Variants in ZCCHC2 observed in about 807,000 individuals in gnomAD.
ZCCHC2 encodes the protein zinc finger CCHC-type containing 2, also known as zinc finger CCHC domain-containing protein 2.
In ZCCHC2, 39 loss-of-function variants were observed where a neutral mutation model predicts 103.6. The ratio of observed to expected loss-of-function variants is 0.38; its 90% CI spans 0.29 to 0.49. ZCCHC2 has a LOEUF of 0.49. ZCCHC2 is among the 20% of genes least tolerant of loss of function. The probability of loss-of-function intolerance (pLI) is 0.96; values close to 1 mark genes in which losing one functional copy is unlikely to be tolerated. For synonymous variants in ZCCHC2, 687 were observed against 608.9 expected (o/e 1.13, Z -1.89); for missense variants, 1,483 against 1,491.0 (o/e 0.99, Z 0.09).
In ZCCHC2 at chr18:62,574,365, A is replaced by G. The variant is rs1191367821; in HGVS notation, c.2284A>G (p.Arg762Gly). 1 of 1,614,022 alleles carries G rather than the reference A, an allele frequency of 6.2e-7. No homozygotes were observed. Among genetic ancestry groups the G allele is most frequent in the Admixed American group, 1.7e-5 (1 of 60,010 alleles). Residue 762 changes from arginine to glycine, a missense_variant, in exon 13 of 14, where the codon AGG becomes GGG. This residue lies in a region of ZCCHC2 where 884 missense variants were observed against 907.5 expected (regional missense o/e 0.97). Transcript: ENST00000269499. ...VPSPVAISAI[R>G]ESANSTPVGI... ...TAGTCCTGTTGCTATTTCTGCAATAAGGGAGTCTGCAAATTCAACCCCTGT... is the reference window on the plus strand; with the variant it reads ...TAGTCCTGTTGCTATTTCTGCAATAGGGGAGTCTGCAAATTCAACCCCTGT...
At chr18:62,539,510 T>A in intron 1 of ZCCHC2, 171 bp from the exon 2 acceptor site, 1 of 519,268 alleles carries the variant, frequency 1.9e-6, no homozygotes, top group Non-Finnish European at 3.5e-6. Context: ...AGTGCTCATC[T>A]TCTGCTTGCG....
rs956247134 is a variant in ZCCHC2 at position 62,549,352 on chromosome 18, T to C, written c.1201-996T>C. Among the ~76,000 whole-genome samples, 7 of 152,384 alleles carry C rather than the reference T, an allele frequency of 4.6e-5. No individual in the cohort carries two copies. The East Asian group carries it at 1.3e-3, about 29-fold the overall frequency. ...TCATTCTGACAGAGCATCTTGATCT[T>C]GCAATCTACTGTACCCACAATGAGG... On this transcript the variant is annotated intron_variant, in intron 4 of 13. Coordinates refer to ENST00000269499, the MANE Select transcript of ZCCHC2 (RefSeq NM_017742.6).
intron 11 of ZCCHC2, among the ~76,000 whole-genome samples, chr18:62,566,806 G>A (rs140132799): frequency 2.0e-5 from 3 of 152,324 alleles, no homozygotes; most frequent in African/African-American, 7.2e-5. Context: ...GCCTGCTTCA[G>A]CAGATTGTAA....
intron 5 of ZCCHC2, among the ~76,000 whole-genome samples, chr18:62,550,879 C>T (rs1055554154): frequency 6.6e-6 from 1 of 152,220 alleles, no homozygotes; most frequent in African/African-American, 2.4e-5. Context: ...CTGTTACTCT[C>T]TTGGAGCCAT....
In ZCCHC2 at chr18:62,578,348, A is replaced by G. The variant is rs755217079; in HGVS notation, c.*1769A>G. ...AAGTGAGAGTTTTGATAAGCCACTT[A>G]TGGGCCGCGTTGTGAATCACTTGCC... On this transcript the variant is annotated 3_prime_UTR_variant, in exon 14 of 14. Transcript: ENST00000269499. The G allele has an allele frequency of 1.3e-5, 2 of 152,624 alleles. No homozygotes were observed. Among genetic ancestry groups the G allele is most frequent in the East Asian group, 1.9e-4 (1 of 5,202 alleles). The allele number at this position is 152,624 out of a possible 1,614,324, so 9.5% of individuals were successfully genotyped here.
intron 1 of ZCCHC2, among the ~76,000 whole-genome samples, chr18:62,534,336 A>G (rs978026832): frequency 4.0e-5 from 6 of 151,286 alleles, no homozygotes; most frequent in African/African-American, 1.5e-4. Flanking sequence ...AAATCTGATT[A>G]TTTGTACTCC....
Position 62,574,535 on chromosome 18 carries a change from A to G in ZCCHC2, c.2454A>G (p.Pro818=), listed in dbSNP as rs755413332. Residue 818 remains proline (P), a synonymous_variant, in exon 13 of 14, where the codon CCA becomes CCG. Transcript: ENST00000269499. Reference sequence around the variant, plus strand: ...TTACAGTTCAGAGGCTAAAGTTGCCACCACCACAGGGATCTTCTGAGAGCT... The same window carrying G: ...TTACAGTTCAGAGGCTAAAGTTGCCGCCACCACAGGGATCTTCTGAGAGCT... ...LHLTVQRLKL[P]PPQGSSESCT... is the part of the protein sequence containing the mutation. The G allele has an allele frequency of 5.0e-6, 8 of 1,613,806 alleles. No homozygotes were observed. Among genetic ancestry groups the G allele is most frequent in the Non-Finnish European group, 6.8e-6 (8 of 1,179,862 alleles).
chr18:62,529,875 G>A (rs1400803239), intron 1 of ZCCHC2, among the ~76,000 whole-genome samples: 1 of 152,038 alleles, frequency 6.6e-6, no homozygotes, highest in Non-Finnish European at 1.5e-5. Flanking sequence ...AAAATATTAG[G>A]GAAAAATATT....
chr18:62,580,549 AC>A (rs1917016826), downstream of ZCCHC2, among the ~76,000 whole-genome samples: 1 of 137,232 alleles, frequency 7.3e-6, no homozygotes, highest in African/African-American at 2.8e-5. Context: ...CCCTCCCGAG[AC>A]GGTGTCACAG....
downstream of ZCCHC2, among the ~76,000 whole-genome samples, chr18:62,579,291 C>T (rs1916978480): frequency 6.6e-6 from 1 of 152,194 alleles, no homozygotes; most frequent in South Asian, 2.1e-4. Context: ...ATTAGCCAGG[C>T]CCCTCTCTCA....
rs1043302400 is a variant in ZCCHC2, at chr18:62,523,387, C to T, written c.-38C>T. On this transcript the variant is annotated 5_prime_UTR_variant, in exon 1 of 14. Coordinates refer to ENST00000269499, the MANE Select transcript of ZCCHC2 (RefSeq NM_017742.6). The stretch of plus-strand genomic sequence containing the variant: ...TGCTCCACCTCGCGGCCCCTCCCGC[C>T]CGCCCCCGCTCGCATGTCTGCGCCG... 4 of 1,014,104 alleles carry T rather than the reference C, an allele frequency of 3.9e-6. No homozygotes were observed. The African/African-American group carries it at 7.0e-5, about 18-fold the overall frequency. The allele number at this position is 1,014,104 out of a possible 1,614,324, so 62.8% of individuals were successfully genotyped here. A position where few individuals can be genotyped will look rare whatever the true frequency, so the allele number is the denominator to read the frequency against.
chr18:62,551,705 A>C (rs955692450), intron 5 of ZCCHC2: 1 of 153,062 alleles, frequency 6.5e-6, no homozygotes, highest in Non-Finnish European at 1.5e-5. Flanking sequence ...CAGTCGTGGC[A>C]CTCACCTCTC....
chr18:62,557,794 A>G (rs1915958750), intron 6 of ZCCHC2, among the ~76,000 whole-genome samples: 1 of 152,254 alleles, frequency 6.6e-6, no homozygotes, highest in Non-Finnish European at 1.5e-5. Context: ...TGAGGAGTTC[A>G]TATATAAGTA....
At chr18:62,542,018 G>C (rs936453115) in intron 2 of ZCCHC2, among the ~76,000 whole-genome samples, 1 of 151,834 alleles carries the variant, frequency 6.6e-6, no homozygotes, top group African/African-American at 2.4e-5. Context: ...CCTCAGCTTG[G>C]TATATTACTT....
At chr18:62,533,210 G>A (rs1314801389) in intron 1 of ZCCHC2, among the ~76,000 whole-genome samples, 1 of 152,054 alleles carries the variant, frequency 6.6e-6, no homozygotes, top group African/African-American at 2.4e-5. Context: ...TCCTGTGTTT[G>A]GACTTGGAAA....
At chr18:62,549,092 G>A (rs550419977) in intron 4 of ZCCHC2, among the ~76,000 whole-genome samples, 1 of 152,126 alleles carries the variant, frequency 6.6e-6, no homozygotes, top group African/African-American at 2.4e-5. Flanking sequence ...GGGGGCGGGT[G>A]CGTGTAGTCC....
intron 4 of ZCCHC2, among the ~76,000 whole-genome samples, chr18:62,548,990 C>T (rs1033619962): frequency 4.0e-5 from 6 of 150,500 alleles, no homozygotes; most frequent in African/African-American, 9.8e-5. Flanking sequence ...GGGGTCAGGG[C>T]GGGTGGATCA....
intron 13 of ZCCHC2, 31 bp from the exon 14 acceptor site, chr18:62,576,481 C>T (rs755338721): frequency 7.9e-5 from 126 of 1,587,822 alleles, no homozygotes; most frequent in Non-Finnish European, 1.0e-4. Context: ...TGCTTGTAAG[C>T]GGTGACTTAG....
chr18:62,563,247 A>G, intron 9 of ZCCHC2, 103 bp downstream of exon 9: 1 of 1,363,428 alleles, frequency 7.3e-7, no homozygotes, highest in Non-Finnish European at 9.9e-7. Flanking sequence ...ATATCTGGTA[A>G]GAAATGAAGG....
Sources: allele counts gnomAD v4.1 joint callset (sites outside exome capture counted in the v4.1 genomes callset), GRCh38; gene constraint gnomAD v4.1.1; regional missense constraint gnomAD v4.1.1; transcripts MANE v1.5; gene names NCBI Gene and HGNC (gene_info 2026-07-23, HGNC 2026-07-21).